FOXO3: variants seen among roughly 807,000 people sequenced by gnomAD.
The protein encoded by FOXO3 is forkhead box protein O3.
FOXO3 carries 4 observed loss-of-function variants against 41.9 expected under a neutral mutation model. That is an observed-to-expected ratio of 0.10 (90% CI 0.05 to 0.22). FOXO3 has a LOEUF of 0.22. Ranked by LOEUF, FOXO3 falls within the 10% of genes least tolerant of loss-of-function variation. The probability of loss-of-function intolerance (pLI) is 1.00; values close to 1 mark genes in which losing one functional copy is unlikely to be tolerated. For synonymous variants in FOXO3, 318 were observed against 389.3 expected, an observed-to-expected ratio of 0.82 and a Z score of 2.16; for missense variants, 534 against 906.8, an observed-to-expected ratio of 0.59 and a Z score of 5.28.
intron 1 of FOXO3, among the ~76,000 whole-genome samples, chr6:108,613,160 A>C (rs561934203): frequency 6.6e-6 from 1 of 152,202 alleles, no homozygotes; most frequent in Non-Finnish European, 1.5e-5. Flanking sequence ...AAATTTTGTT[A>C]AGGATTTTTG....
chr6:108,631,962 G>C (rs1023787848), intron 1 of FOXO3, among the ~76,000 whole-genome samples: 1 of 152,126 alleles, frequency 6.6e-6, no homozygotes, highest in Admixed American at 6.6e-5. Context: ...TTGTCCTGCA[G>C]AATGTCCCAC....
chr6:108,648,869 C>A (rs1280348471), intron 1 of FOXO3, among the ~76,000 whole-genome samples: 2 of 151,740 alleles, frequency 1.3e-5, no homozygotes, highest in Non-Finnish European at 2.9e-5. Flanking sequence ...TAGGGGCGCA[C>A]ACCTGTGTTT....
Position 108,666,502 on chromosome 6 carries a change from A to AT in FOXO3, c.*34+1628dup, listed in dbSNP as rs772194341. 5.9e-3 allele frequency among the ~76,000 whole-genome samples: 836 copies of AT among 141,650 alleles called. 5 individuals are homozygous for AT. Among genetic ancestry groups the AT allele is most frequent in the African/African-American group, 0.016 (614 of 38,692 alleles). The allele number at this position is 141,650 out of a possible 152,430, so 92.9% of individuals were successfully genotyped here. On this transcript the variant is annotated intron_variant, in intron 2 of 2. Transcript: ENST00000406360. Reference sequence around the variant, plus strand: ...AGGCGCCCGCCACCACGCCTGGCTAATTTTTTTTTTTTTTTAATTTTTAGT... The same window carrying AT: ...AGGCGCCCGCCACCACGCCTGGCTAATTTTTTTTTTTTTTTTAATTTTTAGT...
At chr6:108,609,848 G>A (rs1405777445) in intron 1 of FOXO3, among the ~76,000 whole-genome samples, 3 of 152,200 alleles carry the variant, frequency 2.0e-5, no homozygotes, top group African/African-American at 4.8e-5. Flanking sequence ...GGACTTAACT[G>A]TTGACAACAG....
intron 1 of FOXO3, chr6:108,656,317 G>C: frequency 1.0e-6 from 1 of 977,208 alleles, no homozygotes; most frequent in South Asian, 4.7e-5. Context: ...CTGTGTTCCA[G>C]GGGAAGCACA....
intron 2 of FOXO3, among the ~76,000 whole-genome samples, chr6:108,676,020 G>A (rs979250740): frequency 2.0e-5 from 3 of 152,162 alleles, no homozygotes; most frequent in African/African-American, 7.2e-5. Flanking sequence ...GCAGAAACTT[G>A]TCTTCCCTAC....
chr6:108,561,837 C>G lies in FOXO3; in HGVS notation c.621+8C>G. 1 of 1,543,016 alleles carries G rather than the reference C, an allele frequency of 6.5e-7. No individual in the cohort carries two copies. Among genetic ancestry groups the G allele is most frequent in the Non-Finnish European group, 8.7e-7 (1 of 1,145,568 alleles). On this transcript the variant is annotated splice_region_variant and intron_variant, in intron 1 of 2. Coordinates refer to ENST00000406360, the MANE Select transcript of FOXO3 (RefSeq NM_001455.4). ...AGCTCTGCCGGCTGGAAGGTGCGTA[C>G]CCACCCCGGGCTGGCAGCAGGACCC...
chr6:108,603,531 T>C (rs140164969), intron 1 of FOXO3, among the ~76,000 whole-genome samples: 46 of 152,306 alleles, frequency 3.0e-4, no homozygotes, highest in African/African-American at 1.1e-3. Context: ...TCTTATGGTA[T>C]TGGTGATTTT....
intron 1 of FOXO3, among the ~76,000 whole-genome samples, chr6:108,610,303 C>T (rs1777324465): frequency 6.6e-6 from 1 of 151,970 alleles, no homozygotes; most frequent in Non-Finnish European, 1.5e-5. Flanking sequence ...CTGTAAATTG[C>T]TTAGATTCTG....
At chr6:108,560,897 T>C, upstream of FOXO3, 3 of 1,130,190 alleles carry the variant, frequency 2.7e-6, no homozygotes, top group African/African-American at 1.6e-5. Flanking sequence ...CGCGGCTCCA[T>C]CGCGGCCTGG....
intron 1 of FOXO3, among the ~76,000 whole-genome samples, chr6:108,660,616 C>G (rs1778816370): frequency 6.6e-6 from 1 of 151,938 alleles, no homozygotes; most frequent in Non-Finnish European, 1.5e-5. Context: ...CCTGTAATCC[C>G]AGCACTTGGG....
At chr6:108,674,745 T>TAA (rs1216686070) in intron 2 of FOXO3, among the ~76,000 whole-genome samples, 1 of 152,156 alleles carries the variant, frequency 6.6e-6, no homozygotes, top group Non-Finnish European at 1.5e-5. Context: ...TAGTGGGCCT[T>TAA]AAAGCATGGA....
At chr6:108,668,614 T>A (rs1779124391) in intron 2 of FOXO3, among the ~76,000 whole-genome samples, 2 of 152,180 alleles carry the variant, frequency 1.3e-5, no homozygotes, top group African/African-American at 4.8e-5. Context: ...CTTCATCTTT[T>A]GACATTTGGA....
chr6:108,672,985 T>G (rs1216619169), intron 2 of FOXO3, among the ~76,000 whole-genome samples: 2 of 152,168 alleles, frequency 1.3e-5, no homozygotes, highest in Non-Finnish European at 2.9e-5. Context: ...TTCAGTTAAT[T>G]TCCAGTAGGC....
At chr6:108,657,279 T>A (rs1240353691) in intron 1 of FOXO3, among the ~76,000 whole-genome samples, 1 of 152,258 alleles carries the variant, frequency 6.6e-6, no homozygotes, top group East Asian at 1.9e-4. Context: ...CATTTGTCCC[T>A]GAAGCTGAAG....
intron 1 of FOXO3, among the ~76,000 whole-genome samples, chr6:108,565,986 C>T (rs1325170182): frequency 6.6e-6 from 1 of 152,200 alleles, no homozygotes; most frequent in Non-Finnish European, 1.5e-5. Context: ...TGTGAAGAAT[C>T]TGTCTGCTTG....
chr6:108,634,953 A>G (rs903758884), intron 1 of FOXO3, among the ~76,000 whole-genome samples: 2 of 151,808 alleles, frequency 1.3e-5, no homozygotes, highest in African/African-American at 4.8e-5. Context: ...GTATTGATAT[A>G]TACATTGTGT....
chr6:108,573,687 G>C (rs1343445111), intron 1 of FOXO3, among the ~76,000 whole-genome samples: 11 of 152,008 alleles, frequency 7.2e-5, no homozygotes, highest in Non-Finnish European at 7.4e-5. Flanking sequence ...AAATTAGCTG[G>C]GTGTGGTGGC....
chr6:108,633,349 G>A (rs1778027392), intron 1 of FOXO3, among the ~76,000 whole-genome samples: 1 of 151,984 alleles, frequency 6.6e-6, no homozygotes, highest in Admixed American at 6.6e-5. Context: ...GTGTGTGTTT[G>A]TGGCATTGGC....
Sources: gnomAD v4.1 joint callset for allele counts (sites outside exome capture counted in the v4.1 genomes callset) on GRCh38, gnomAD v4.1.1 for gene constraint, MANE v1.5 for transcripts, NCBI Gene and HGNC (gene_info 2026-07-23, HGNC 2026-07-21) for gene names.